The following DDC variants were observed in gnomAD, a reference collection of about 807,000 sequenced individuals.
DDC encodes dopa decarboxylase, also known as aromatic-L-amino-acid decarboxylase.
In DDC, 43 loss-of-function variants were observed where a neutral mutation model predicts 60.0. That is an observed-to-expected ratio of 0.72 (90% CI 0.56 to 0.92). The LOEUF is 0.92. DDC is among the 40% of genes least tolerant of loss of function. DDC has a pLI of 0.00. For synonymous variants in DDC, 232 were observed against 234.6 expected (o/e 0.99, Z 0.10); for missense variants, 573 against 620.2 (o/e 0.92, Z 0.81).
At chr7:50,483,532 T>C (rs2042815552) in intron 9 of DDC, among the ~76,000 whole-genome samples, 1 of 152,160 alleles carries the variant, frequency 6.6e-6, no homozygotes, top group African/African-American at 2.4e-5. Flanking sequence ...GTGGCCTCTT[T>C]TGCTGCTCTC....
At chr7:50,500,902 G>A (rs1554422436) in intron 7 of DDC, among the ~76,000 whole-genome samples, 1 of 152,240 alleles carries the variant, frequency 6.6e-6, no homozygotes, top group Non-Finnish European at 1.5e-5. Flanking sequence ...AAAGGAAGTG[G>A]ACTCTGAAGG....
intron 9 of DDC, among the ~76,000 whole-genome samples, chr7:50,488,716 C>T (rs1403532604): frequency 1.3e-5 from 2 of 151,968 alleles, no homozygotes; most frequent in Non-Finnish European, 2.9e-5. Context: ...ATTAAAAATA[C>T]ACTAATAAAC....
intron 9 of DDC, 55 bp from the exon 10 acceptor site, chr7:50,479,918 A>ACCTCTCC: frequency 7.0e-7 from 1 of 1,424,924 alleles, no homozygotes. Context: ...AGACTGGACC[A>ACCTCTCC]CCTCTCCCCT....
intron 12 of DDC, 107 bp from the exon 13 acceptor site, chr7:50,467,422 T>A: frequency 2.1e-6 from 2 of 935,398 alleles, no homozygotes; most frequent in Non-Finnish European, 3.4e-6. Flanking sequence ...ATTTAGACGC[T>A]CTTGGCAATT....
intron 1 of DDC, among the ~76,000 whole-genome samples, chr7:50,547,036 T>A (rs2044829278): frequency 6.6e-6 from 1 of 152,336 alleles, no homozygotes; most frequent in Non-Finnish European, 1.5e-5. Flanking sequence ...TGTTTTTTTT[T>A]AATTTTGCAC....
chr7:50,540,131 C>A (rs1032656770), intron 2 of DDC, 103 bp from the exon 3 acceptor site: 10 of 834,364 alleles, frequency 1.2e-5, no homozygotes, highest in African/African-American at 1.7e-5. Flanking sequence ...CAGATGCAGC[C>A]AGACCCAGAG....
chr7:50,485,798 G>A (rs2042868164), intron 9 of DDC, among the ~76,000 whole-genome samples: 1 of 152,122 alleles, frequency 6.6e-6, no homozygotes, highest in African/African-American at 2.4e-5. Context: ...GAGATTCTCA[G>A]CCCTCACTCT....
Position 50,508,289 on chromosome 7 carries a change from G to A in DDC, c.715-4230C>T, listed in dbSNP as rs116515712. Reference sequence around the variant, plus strand: ...CTCCAGCTCAGCATTGCTCAATGACGCTAACCTGATTCCAGGCGCTCTGCA... The same window carrying A: ...CTCCAGCTCAGCATTGCTCAATGACACTAACCTGATTCCAGGCGCTCTGCA... On this transcript the variant is annotated intron_variant, in intron 6 of 14. Coordinates refer to ENST00000444124, the MANE Select transcript of DDC (RefSeq NM_001082971.2). Among the ~76,000 whole-genome samples, 389 of 152,320 alleles carry A rather than the reference G, an allele frequency of 2.6e-3. 1 individual carries two copies. The highest frequency in any genetic ancestry group is 9.0e-3 in the African/African-American group (374 of 41,572).
intron 1 of DDC, among the ~76,000 whole-genome samples, chr7:50,546,014 A>G (rs747165651): frequency 6.6e-6 from 1 of 152,162 alleles, no homozygotes; most frequent in Non-Finnish European, 1.5e-5. Flanking sequence ...CATGCCCAAG[A>G]TCACATGACC....
At chr7:50,563,166 CAAAAA>C (rs11306685) in intron 1 of DDC, among the ~76,000 whole-genome samples, 1 of 115,152 alleles carries the variant, frequency 8.7e-6, no homozygotes. Flanking sequence ...GACTCCATCT[CAAAAA>C]AAAAAAAAAA....
At chr7:50,460,609 G>T (rs1416961013) in intron 14 of DDC, among the ~76,000 whole-genome samples, 4 of 151,614 alleles carry the variant, frequency 2.6e-5, no homozygotes, top group East Asian at 1.9e-4. Flanking sequence ...GAACAGAAAG[G>T]GGGGAAAGGC....
At chr7:50,477,596 A>G (rs1422054615) in intron 10 of DDC, 1 of 454,030 alleles carries the variant, frequency 2.2e-6, no homozygotes, top group East Asian at 7.1e-5. Flanking sequence ...ATTTACAAGA[A>G]CATCTGAAGT....
At chr7:50,492,778 C>T (rs1269544824) in intron 9 of DDC, 3 of 1,453,102 alleles carry the variant, frequency 2.1e-6, no homozygotes, top group African/African-American at 2.8e-5. Flanking sequence ...AATTTCCCCT[C>T]ACAGGCTGGT....
At chr7:50,517,381 T>C (rs990158090) in intron 6 of DDC, among the ~76,000 whole-genome samples, 12 of 152,146 alleles carry the variant, frequency 7.9e-5, no homozygotes, top group African/African-American at 2.7e-4. Context: ...CAGTATTCCT[T>C]TATGATTAAA....
intron 7 of DDC, among the ~76,000 whole-genome samples, chr7:50,501,613 A>T (rs971108625): frequency 6.6e-6 from 1 of 152,248 alleles, no homozygotes; most frequent in Non-Finnish European, 1.5e-5. Context: ...CTAATCATAT[A>T]TAGAATAAGG....
At chr7:50,461,275 C>T (rs921163729) in intron 14 of DDC, among the ~76,000 whole-genome samples, 25 of 152,156 alleles carry the variant, frequency 1.6e-4, no homozygotes, top group African/African-American at 6.0e-4. Flanking sequence ...ATTTTCTACC[C>T]TCTGTAAAAT....
At chr7:50,487,118 A>C (rs1223675912) in intron 9 of DDC, among the ~76,000 whole-genome samples, 1 of 152,232 alleles carries the variant, frequency 6.6e-6, no homozygotes. Context: ...ATATGTTCAG[A>C]TATGTCATGT....
At chr7:50,467,098 T>C in intron 13 of DDC, 116 bp downstream of exon 13, 1 of 975,734 alleles carries the variant, frequency 1.0e-6, no homozygotes, top group Non-Finnish European at 1.6e-6. Context: ...GAATGCAGGC[T>C]TTGCTCTGCC....
At chr7:50,531,186 G>A (rs2044194614) in intron 4 of DDC, among the ~76,000 whole-genome samples, 1 of 152,174 alleles carries the variant, frequency 6.6e-6, no homozygotes, top group East Asian at 1.9e-4. Context: ...GGAGAGAGAA[G>A]GGGAGAAACC....
Sources: allele counts gnomAD v4.1 joint callset (sites outside exome capture counted in the v4.1 genomes callset), GRCh38; gene constraint gnomAD v4.1.1; transcripts MANE v1.5; gene names NCBI Gene and HGNC (gene_info 2026-07-23, HGNC 2026-07-21).